The following KIF16B variants were observed in gnomAD, a reference collection of about 807,000 sequenced individuals.
The protein encoded by KIF16B is kinesin family member 16B, also known as kinesin-like protein KIF16B.
KIF16B carries 98 observed loss-of-function variants against 156.3 expected under a neutral mutation model. That is an observed-to-expected ratio of 0.63 (90% CI 0.53 to 0.74). The LOEUF is 0.74. KIF16B is among the 30% of genes least tolerant of loss of function. The pLI, the probability that KIF16B is intolerant of heterozygous loss-of-function variation, is 0.00. For missense variants in KIF16B, 1,421 were observed against 1,606.5 expected (o/e 0.88, Z 1.97); for synonymous variants, 564 against 583.7 (o/e 0.97, Z 0.49).
At chr20:16,477,818 C>G (rs997790435) in intron 12 of KIF16B, among the ~76,000 whole-genome samples, 2 of 152,080 alleles carry the variant, frequency 1.3e-5, no homozygotes, top group African/African-American at 4.8e-5. Flanking sequence ...AGAGAAACAG[C>G]TATGGCTTAG....
At chr20:16,494,041 A>G (rs990733404) in intron 12 of KIF16B, among the ~76,000 whole-genome samples, 17 of 152,202 alleles carry the variant, frequency 1.1e-4, no homozygotes, top group Admixed American at 1.1e-3. Flanking sequence ...CCCTAAAAGT[A>G]AAGGCAAACA....
At chr20:16,433,797 G>C (rs1300009370) in intron 12 of KIF16B, among the ~76,000 whole-genome samples, 1 of 152,096 alleles carries the variant, frequency 6.6e-6, no homozygotes, top group African/African-American at 2.4e-5. Flanking sequence ...CATAAAACTG[G>C]AAACGAGGGT....
chr20:16,321,699 T>C (rs1331841201), intron 24 of KIF16B, among the ~76,000 whole-genome samples: 1 of 152,062 alleles, frequency 6.6e-6, no homozygotes, highest in Non-Finnish European at 1.5e-5. Context: ...AAGGCTCAGA[T>C]GTGCAGAAGG....
chr20:16,392,118 C>T (rs2065381488), intron 17 of KIF16B, among the ~76,000 whole-genome samples: 1 of 152,202 alleles, frequency 6.6e-6, no homozygotes, highest in Non-Finnish European at 1.5e-5. Flanking sequence ...GTGTCCTACA[C>T]CATGACTCCT....
At chr20:16,553,746 T>G (rs1284391047) in intron 1 of KIF16B, among the ~76,000 whole-genome samples, 1 of 152,238 alleles carries the variant, frequency 6.6e-6, no homozygotes, top group East Asian at 1.9e-4. Context: ...GTGGTCCACC[T>G]GCAGCAACCG....
At position 16,378,925 on chromosome 20, in the gene KIF16B, C is replaced by A. The variant is rs1429350334; in HGVS notation, c.3077G>T (p.Gly1026Val). Reference protein sequence around the residue: ...HSALQRHSTLGMEIEEQRQKL... With the variant: ...HSALQRHSTLVMEIEEQRQKL... ...CTGCCTCTGCTCTTCAATCTCCATG[C>A]CCAGGGTGGAGTGCCTCTGCAGCGC... The change falls in exon 19 of 26, where the codon GGC becomes GTC. Residue 1026 changes from glycine to valine, a missense_variant. Gly to Val is a moderately radical substitution (Grantham distance 109). Transcript: ENST00000354981. 6.2e-7 allele frequency: 1 copy of A among 1,614,108 alleles called. No homozygotes were observed. The highest frequency in any genetic ancestry group is 1.1e-5 in the South Asian group (1 of 91,082).
chr20:16,327,019 G>GTGTT (rs1256143304), intron 24 of KIF16B, among the ~76,000 whole-genome samples: 1 of 146,426 alleles, frequency 6.8e-6, no homozygotes, highest in Non-Finnish European at 1.5e-5. Flanking sequence ...ATATATGTGT[G>GTGTT]TGTATATATA....
rs2070996921 is a variant in KIF16B, at chr20:16,559,905, T to C, written c.47+13324A>G. Among the ~76,000 whole-genome samples the C allele has an allele frequency of 2.0e-5, 3 of 152,322 alleles. No individual in the cohort carries two copies. In the South Asian group the frequency reaches 6.2e-4, roughly 32 times the overall value. On this transcript the variant is annotated intron_variant, in intron 1 of 25. Transcript: ENST00000354981. ...TGAATAAAGTCTATTCAGATTTGTA[T>C]TCAAATAATGATACAACATTCAAAT...
At chr20:16,304,557 C>T (rs923424006) in intron 25 of KIF16B, among the ~76,000 whole-genome samples, 1 of 151,978 alleles carries the variant, frequency 6.6e-6, no homozygotes, top group African/African-American at 2.4e-5. Flanking sequence ...TGTAAATAAC[C>T]AGATAACCAG....
chr20:16,373,383 T>A (rs1425894126), intron 20 of KIF16B, among the ~76,000 whole-genome samples: 3 of 152,248 alleles, frequency 2.0e-5, no homozygotes, highest in Non-Finnish European at 4.4e-5. Flanking sequence ...ACTGTCCGAT[T>A]TCAAATGCTC....
intron 12 of KIF16B, among the ~76,000 whole-genome samples, chr20:16,439,707 G>A (rs369478918): frequency 2.4e-4 from 36 of 152,262 alleles, no homozygotes; most frequent in African/African-American, 8.4e-4. Context: ...ACGTGGCTGG[G>A]GAGCCGTCAC....
rs759331753 is a variant in KIF16B, at chr20:16,406,445, G to C, written c.1624C>G (p.Leu542Val). ...CGAAACATATTGGTTCTTCCCAAGA[G>C]AATCACAGCACCTGAAAACACACAA... Reference protein sequence around the residue: ...ATHLNQGAVILLGRTNMFRFN... With the variant: ...ATHLNQGAVIVLGRTNMFRFN... Residue 542 changes from leucine to valine, a missense_variant, in exon 16 of 26, where the codon CTC becomes GTC. Coordinates refer to ENST00000354981, the MANE Select transcript of KIF16B (RefSeq NM_024704.5). 1 of 1,613,374 alleles carries C rather than the reference G, an allele frequency of 6.2e-7. No homozygotes were observed. Among genetic ancestry groups the C allele is most frequent in the East Asian group, 2.2e-5 (1 of 44,870 alleles).
At chr20:16,365,023 T>C (rs988147948) in intron 22 of KIF16B, among the ~76,000 whole-genome samples, 2 of 152,204 alleles carry the variant, frequency 1.3e-5, no homozygotes, top group African/African-American at 2.4e-5. Context: ...TATTTATCAC[T>C]CCCTTCTTCC....
chr20:16,391,298 C>T (rs549198319), intron 17 of KIF16B, among the ~76,000 whole-genome samples: 27 of 152,296 alleles, frequency 1.8e-4, no homozygotes, highest in Non-Finnish European at 3.5e-4. Flanking sequence ...AGCTTCTCTT[C>T]TGCCTCCCCT....
chr20:16,348,332 C>A (rs1281811564), intron 23 of KIF16B, among the ~76,000 whole-genome samples: 12 of 152,176 alleles, frequency 7.9e-5, no homozygotes, highest in Admixed American at 7.9e-4. Flanking sequence ...TTAGACCTGA[C>A]ATGAACATTA....
At chr20:16,410,810 C>T (rs957398162) in intron 15 of KIF16B, among the ~76,000 whole-genome samples, 2 of 151,744 alleles carry the variant, frequency 1.3e-5, no homozygotes, top group Non-Finnish European at 2.9e-5. Flanking sequence ...AGGGAGGATG[C>T]AAGCTTTTGC....
At chr20:16,321,776 C>T in intron 24 of KIF16B, among the ~76,000 whole-genome samples, 1 of 151,892 alleles carries the variant, frequency 6.6e-6, no homozygotes, top group East Asian at 1.9e-4. Flanking sequence ...AGAAAAAGGA[C>T]AGACACAAAC....
chr20:16,338,989 G>A (rs1472829157), intron 23 of KIF16B, among the ~76,000 whole-genome samples: 1 of 152,166 alleles, frequency 6.6e-6, no homozygotes, highest in African/African-American at 2.4e-5. Context: ...TGTTTTAATG[G>A]AAAGGACAGA....
intron 12 of KIF16B, among the ~76,000 whole-genome samples, chr20:16,491,732 A>G (rs771260520): frequency 6.6e-6 from 1 of 152,148 alleles, no homozygotes; most frequent in Non-Finnish European, 1.5e-5. Context: ...CACGATGACC[A>G]TGTTGCCACC....
Sources: allele counts gnomAD v4.1 joint callset (sites outside exome capture counted in the v4.1 genomes callset), GRCh38; gene constraint gnomAD v4.1.1; transcripts MANE v1.5; gene names NCBI Gene and HGNC (gene_info 2026-07-23, HGNC 2026-07-21).